The following CIT variants were observed in gnomAD, a reference collection of about 807,000 sequenced individuals.
CIT encodes citron rho-interacting serine/threonine kinase.
In CIT, 79 loss-of-function variants were observed where a neutral mutation model predicts 272.7. That is an observed-to-expected ratio of 0.29 (90% confidence interval 0.24 to 0.35). The LOEUF is 0.35. CIT is among the 10% of genes least tolerant of loss of function. CIT has a pLI of 1.00. For missense variants in CIT, 1,909 were observed against 2,618.3 expected (o/e 0.73, Z 5.91); for synonymous variants, 948 against 995.6 (o/e 0.95, Z 0.90).
chr12:119,818,550 C>T (rs955173704), intron 9 of CIT, among the ~76,000 whole-genome samples: 3 of 152,198 alleles, frequency 2.0e-5, no homozygotes, highest in African/African-American at 7.2e-5. Context: ...ACTATCTCAG[C>T]GTTTCATCAG....
rs762575363 is a variant in CIT at position 119,757,418 on chromosome 12, G to A, written c.2659C>T (p.His887Tyr). The A allele has an allele frequency of 1.9e-6, 3 of 1,614,048 alleles. No individual in the cohort carries two copies. Among genetic ancestry groups the A allele is most frequent in the African/African-American group, 1.3e-5 (1 of 74,926 alleles). ...EQLEKISHQD[H>Y]SDKNRLLELE... is the part of the protein sequence containing the mutation. Reference sequence around the variant, plus strand: ...TCCAGCAGCCGATTCTTGTCACTGTGGTCTTGGTGGCTGATCTTCTCCAGC... The same window carrying A: ...TCCAGCAGCCGATTCTTGTCACTGTAGTCTTGGTGGCTGATCTTCTCCAGC... Residue 887 changes from histidine to tyrosine, a missense_variant, in exon 22 of 48, where the codon CAC becomes TAC. Transcript: ENST00000392521.
chr12:119,869,255 C>A, intron 2 of CIT, 54 bp from the exon 3 acceptor site: 2 of 1,536,970 alleles, frequency 1.3e-6, no homozygotes, highest in South Asian at 2.5e-5. Context: ...AAGCTTTGAT[C>A]AATAACATCC....
chr12:119,781,387 T>C (rs1361858444), intron 13 of CIT, among the ~76,000 whole-genome samples: 2 of 152,250 alleles, frequency 1.3e-5, no homozygotes, highest in Admixed American at 6.5e-5. Flanking sequence ...AATTAATGGA[T>C]AGAGTTATTT....
rs375437134 is a variant in CIT, at chr12:119,727,639, T to A, written c.3591+863A>T. 1.6e-4 allele frequency among the ~76,000 whole-genome samples: 25 copies of A among 152,300 alleles called. No homozygotes were observed. The South Asian group carries it at 5.0e-3, about 30-fold the overall frequency. On this transcript the variant is annotated intron_variant, in intron 28 of 47. Coordinates refer to ENST00000392521, the MANE Select transcript of CIT (RefSeq NM_001206999.2). ...TCTTTTAAAGAAATTTGTTTACAAG[T>A]CCAGGCAGGGCACGGGGACTCATGC...
chr12:119,876,023 G>A (rs1192208907), intron 2 of CIT, 50 bp downstream of exon 2: 2 of 1,100,110 alleles, frequency 1.8e-6, no homozygotes. Flanking sequence ...GTGACAAGGA[G>A]ATTCCAAGGA....
At chr12:119,760,163 G>A (rs564790924) in intron 20 of CIT, among the ~76,000 whole-genome samples, 60 of 150,528 alleles carry the variant, frequency 4.0e-4, no homozygotes, top group Admixed American at 4.0e-3. Flanking sequence ...CTCCAGCCTG[G>A]GTGACAGAGT....
At chr12:119,841,188 T>C (rs1969384800) in intron 5 of CIT, among the ~76,000 whole-genome samples, 1 of 151,950 alleles carries the variant, frequency 6.6e-6, no homozygotes, top group Non-Finnish European at 1.5e-5. Context: ...TTTTTTTTTT[T>C]TTTTGAGATG....
Position 119,712,911 on chromosome 12 carries a change from T to C in CIT, c.4580-216A>G. The C allele has an allele frequency of 1.7e-6, 1 of 579,564 alleles. No homozygotes were observed. Among genetic ancestry groups the C allele is most frequent in the Non-Finnish European group, 3.1e-6 (1 of 326,956 alleles). The allele number at this position is 579,564 out of a possible 1,614,324, so 35.9% of individuals were successfully genotyped here. A position where few individuals can be genotyped will look rare whatever the true frequency, so the allele number is the denominator to read the frequency against. ...TGTCAGATGAGTAGCACAGTCAAAT[T>C]TCTGATGACGATGCGGATTTATGGG... On this transcript the variant is annotated intron_variant, in intron 35 of 47. Coordinates refer to ENST00000392521, the MANE Select transcript of CIT (RefSeq NM_001206999.2). The surrounding 1 kb of genome is among the most constrained non-coding windows in gnomAD (Gnocchi z 5.2).
intron 28 of CIT, among the ~76,000 whole-genome samples, chr12:119,727,333 A>T (rs1275962243): frequency 6.6e-6 from 1 of 152,226 alleles, no homozygotes; most frequent in African/African-American, 2.4e-5. Context: ...CAAATTGTCA[A>T]TTTCAAAATT....
intron 39 of CIT, among the ~76,000 whole-genome samples, chr12:119,709,184 C>A (rs1470274966): frequency 6.6e-6 from 1 of 152,040 alleles, no homozygotes; most frequent in Non-Finnish European, 1.5e-5. Flanking sequence ...TGAAACTATT[C>A]TATATGATAC....
intron 44 of CIT, 161 bp downstream of exon 44, chr12:119,700,584 T>C (rs1956501518): frequency 1.8e-5 from 11 of 625,200 alleles, no homozygotes; most frequent in Non-Finnish European, 2.9e-5. Context: ...GGTTTCGCCA[T>C]GTTGGTCAGG....
intron 9 of CIT, among the ~76,000 whole-genome samples, chr12:119,810,200 C>G (rs1017112827): frequency 6.6e-6 from 1 of 152,144 alleles, no homozygotes; most frequent in Non-Finnish European, 1.5e-5. Context: ...GGACTGAGAC[C>G]TCCACCTGTG....
intron 26 of CIT, among the ~76,000 whole-genome samples, chr12:119,733,324 G>A (rs1296678194): frequency 6.6e-6 from 1 of 151,944 alleles, no homozygotes; most frequent in Non-Finnish European, 1.5e-5. Flanking sequence ...GAGGTCAGGA[G>A]TTTGAGACCA....
chr12:119,858,662 C>T (rs1950239985), intron 3 of CIT, among the ~76,000 whole-genome samples: 1 of 151,908 alleles, frequency 6.6e-6, no homozygotes, highest in Non-Finnish European at 1.5e-5. Context: ...CTACCAAAAA[C>T]ATACAAAAAA....
At chr12:119,811,077 C>A (rs1333730426) in intron 9 of CIT, among the ~76,000 whole-genome samples, 1 of 152,122 alleles carries the variant, frequency 6.6e-6, no homozygotes, top group African/African-American at 2.4e-5. Context: ...GTAATCCCAG[C>A]ATTTTAGGAG....
intron 39 of CIT, 40 bp from the exon 40 acceptor site, chr12:119,708,358 C>T (rs779730657): frequency 8.1e-6 from 12 of 1,477,992 alleles, no homozygotes; most frequent in Non-Finnish European, 1.1e-5. Context: ...AGTGTGAAGC[C>T]GTTAAGTAAA....
Position 119,758,549 on chromosome 12 carries a change from C to T in CIT, c.2531+42G>A, listed in dbSNP as rs769621888. 51 of 1,301,050 alleles carry T rather than the reference C, an allele frequency of 3.9e-5. No individual in the cohort carries two copies. The Admixed American group carries it at 8.6e-4, about 22-fold the overall frequency. 80.6% of individuals were successfully genotyped at this position (1,301,050 alleles called of 1,614,324 possible). On this transcript the variant is annotated intron_variant, in intron 21 of 47. Transcript: ENST00000392521. ...GAGTTTATGCCACAGGAGAGGAGAC[C>T]AAAGTGTAATAATGTAGGGCAGTTA...
intron 22 of CIT, among the ~76,000 whole-genome samples, chr12:119,754,737 C>T (rs1960718741): frequency 6.6e-6 from 1 of 152,214 alleles, no homozygotes; most frequent in Non-Finnish European, 1.5e-5. Context: ...AACTGCAAAA[C>T]TCCCAGGGAG....
chr12:119,725,280 G>A (rs1289006249), intron 28 of CIT, among the ~76,000 whole-genome samples: 1 of 151,986 alleles, frequency 6.6e-6, no homozygotes, highest in Non-Finnish European at 1.5e-5. Context: ...AAAAAATTTA[G>A]CCGGGAGTGC....
Sources: gnomAD v4.1 joint callset for allele counts (sites outside exome capture counted in the v4.1 genomes callset) on GRCh38, gnomAD v4.1.1 for gene constraint, Gnocchi (gnomAD v3.1) non-coding constraint, MANE v1.5 for transcripts, NCBI Gene and HGNC (gene_info 2026-07-23, HGNC 2026-07-21) for gene names.